Variants in DPYD observed in about 807,000 individuals in gnomAD.
The protein encoded by DPYD is dihydropyrimidine dehydrogenase.
Under a neutral mutation model 116.2 loss-of-function variants are expected in DPYD, and 109 were observed. That is an observed-to-expected ratio of 0.94 (90% confidence interval 0.80 to 1.10). The LOEUF (loss-of-function observed/expected upper bound fraction) is 1.10. Among genes scored for constraint, DPYD ranks in the 50% least tolerant of loss-of-function variants. The probability of loss-of-function intolerance (pLI) is 0.00; values close to 1 mark genes in which losing one functional copy is unlikely to be tolerated. For synonymous variants in DPYD, 440 were observed against 432.0 expected (o/e 1.02, Z -0.23); for missense variants, 1,302 against 1,254.5 (o/e 1.04, Z -0.57).
At chr1:97,808,361 T>C (rs954677468) in intron 3 of DPYD, among the ~76,000 whole-genome samples, 2 of 152,176 alleles carry the variant, frequency 1.3e-5, no homozygotes, top group South Asian at 2.1e-4. Context: ...ATTTCCTTTT[T>C]TGGTGCTAAT....
intron 13 of DPYD, among the ~76,000 whole-genome samples, chr1:97,487,932 T>C (rs956159559): frequency 6.6e-6 from 1 of 152,178 alleles, no homozygotes; most frequent in Non-Finnish European, 1.5e-5. Context: ...GTATTTATCA[T>C]AGAGAAATGA....
chr1:97,395,856 T>C (rs1331719405), intron 14 of DPYD, among the ~76,000 whole-genome samples: 1 of 152,000 alleles, frequency 6.6e-6, no homozygotes, highest in Non-Finnish European at 1.5e-5. Flanking sequence ...TCCTGAAGGA[T>C]GACAGACCAC....
intron 13 of DPYD, among the ~76,000 whole-genome samples, chr1:97,497,468 G>C (rs912159495): frequency 6.6e-6 from 1 of 151,626 alleles, no homozygotes; most frequent in African/African-American, 2.4e-5. Context: ...TTCTGAATAA[G>C]GGGAAAAAAA....
chr1:97,813,041 G>T (rs1265981136), intron 3 of DPYD, among the ~76,000 whole-genome samples: 1 of 152,078 alleles, frequency 6.6e-6, no homozygotes, highest in African/African-American at 2.4e-5. Context: ...CTTTCATTTT[G>T]GTGGAATGCC....
At chr1:97,332,659 C>T (rs1669072257) in intron 16 of DPYD, among the ~76,000 whole-genome samples, 1 of 151,942 alleles carries the variant, frequency 6.6e-6, no homozygotes, top group Non-Finnish European at 1.5e-5. Context: ...TTTTTTGATT[C>T]CTGACATAGT....
At chr1:97,418,173 T>C (rs564298969) in intron 14 of DPYD, among the ~76,000 whole-genome samples, 9 of 152,292 alleles carry the variant, frequency 5.9e-5, no homozygotes, top group Non-Finnish European at 1.3e-4. Context: ...AATAACTACA[T>C]AGAGATGTGG....
chr1:97,811,155 CCT>C (rs1412298888), intron 3 of DPYD, among the ~76,000 whole-genome samples: 2 of 152,052 alleles, frequency 1.3e-5, no homozygotes, highest in Non-Finnish European at 2.9e-5. Context: ...TGAAGACTCC[CCT>C]GTCAAATCTT....
At chr1:97,136,641 T>A (rs1048921848) in intron 20 of DPYD, among the ~76,000 whole-genome samples, 1 of 152,124 alleles carries the variant, frequency 6.6e-6, no homozygotes, top group East Asian at 1.9e-4. Flanking sequence ...TGCTTCAGTA[T>A]TAGAAGGTCA....
intron 3 of DPYD, among the ~76,000 whole-genome samples, chr1:97,756,172 T>C (rs1461169755): frequency 6.6e-6 from 1 of 152,150 alleles, no homozygotes; most frequent in Non-Finnish European, 1.5e-5. Flanking sequence ...AAATAAACTG[T>C]GTAACCAAAG....
At chr1:97,565,195 A>T (rs971452328) in intron 11 of DPYD, among the ~76,000 whole-genome samples, 7 of 152,054 alleles carry the variant, frequency 4.6e-5, no homozygotes, top group Admixed American at 3.3e-4. Context: ...CAGGTCACCA[A>T]ATGTTAGAAA....
chr1:97,702,302 C>CT (rs1441746012), intron 5 of DPYD, among the ~76,000 whole-genome samples: 1 of 151,308 alleles, frequency 6.6e-6, no homozygotes, highest in Non-Finnish European at 1.5e-5. Flanking sequence ...ATTTCACATA[C>CT]TTTTCATAAA....
chr1:97,665,601 A>G lies in DPYD; in HGVS notation c.850+13494T>C, dbSNP rs979744389. On this transcript the variant is annotated intron_variant, in intron 8 of 22. Coordinates refer to ENST00000370192, the MANE Select transcript of DPYD (RefSeq NM_000110.4). The stretch of plus-strand genomic sequence containing the variant: ...CAAAAGAATGCATTTCTACCTAATC[A>G]CATTATCTTCTAAATGAAGAAAAAT... Among the ~76,000 whole-genome samples the G allele has an allele frequency of 2.0e-5, 3 of 152,182 alleles. 1 individual carries two copies. The highest frequency in any genetic ancestry group is 2.0e-4 in the Admixed American group (3 of 15,274).
chr1:97,486,584 C>A (rs535946373), intron 13 of DPYD, among the ~76,000 whole-genome samples: 1 of 152,080 alleles, frequency 6.6e-6, no homozygotes, highest in Non-Finnish European at 1.5e-5. Flanking sequence ...TCAGATAGAT[C>A]ACTTTAATTT....
intron 3 of DPYD, among the ~76,000 whole-genome samples, chr1:97,767,256 A>T (rs1265729041): frequency 6.6e-6 from 1 of 152,156 alleles, no homozygotes; most frequent in Admixed American, 6.6e-5. Flanking sequence ...AGAGACATGT[A>T]TAACTGAGAC....
intron 21 of DPYD, among the ~76,000 whole-genome samples, chr1:97,088,979 T>C (rs542422270): frequency 7.9e-4 from 121 of 152,274 alleles, no homozygotes; most frequent in South Asian, 1.5e-3. Flanking sequence ...CTGTTTATGC[T>C]CCATAGTATC....
At chr1:97,245,131 T>C (rs973858521) in intron 18 of DPYD, among the ~76,000 whole-genome samples, 3 of 152,142 alleles carry the variant, frequency 2.0e-5, no homozygotes, top group Admixed American at 2.0e-4. Flanking sequence ...TCGTTATTTA[T>C]ATCCTCACGA....
At chr1:97,323,325 T>C (rs1668441175) in intron 16 of DPYD, among the ~76,000 whole-genome samples, 1 of 135,682 alleles carries the variant, frequency 7.4e-6, no homozygotes, top group African/African-American at 2.7e-5. Context: ...TACATATGTG[T>C]ATATGTACAC....
intron 20 of DPYD, among the ~76,000 whole-genome samples, chr1:97,185,151 T>TA (rs1657908432): frequency 6.6e-6 from 1 of 151,974 alleles, no homozygotes; most frequent in African/African-American, 2.4e-5. Context: ...AGAAATCAAT[T>TA]AAAAAATTAA....
At chr1:97,868,982 G>A (rs891333001) in intron 2 of DPYD, among the ~76,000 whole-genome samples, 9 of 151,796 alleles carry the variant, frequency 5.9e-5, no homozygotes, top group Admixed American at 5.9e-4. Context: ...ACAAAGCCAT[G>A]AGAAACCTGC....
Sources: gnomAD v4.1 joint callset for allele counts (sites outside exome capture counted in the v4.1 genomes callset) on GRCh38, gnomAD v4.1.1 for gene constraint, MANE v1.5 for transcripts, NCBI Gene and HGNC (gene_info 2026-07-23, HGNC 2026-07-21) for gene names.